The following MINDY4 variants were observed in gnomAD, a reference collection of about 807,000 sequenced individuals.
MINDY4 encodes the protein MINDY lysine 48 deubiquitinase 4.
Under a neutral mutation model 87.0 loss-of-function variants are expected in MINDY4, and 68 were observed. The ratio of observed to expected loss-of-function variants is 0.78; its 90% CI spans 0.64 to 0.96. The LOEUF (loss-of-function observed/expected upper bound fraction) is 0.96, where lower values mean the gene tolerates loss of function less well. MINDY4 is among the 40% of genes least tolerant of loss of function. The pLI, the probability that MINDY4 is intolerant of heterozygous loss-of-function variation, is 0.00. For missense variants in MINDY4, 919 were observed against 928.2 expected (o/e 0.99, Z 0.13); for synonymous variants, 379 against 363.2 (o/e 1.04, Z -0.50).
intron 10 of MINDY4, among the ~76,000 whole-genome samples, chr7:30,851,770 G>A (rs370832773): frequency 6.6e-6 from 1 of 152,228 alleles, no homozygotes; most frequent in East Asian, 1.9e-4. Context: ...ACCCGGCTCC[G>A]ATTCCTGGAC....
chr7:30,778,762 T>TTG (rs377681057), intron 2 of MINDY4, among the ~76,000 whole-genome samples: 2 of 152,132 alleles, frequency 1.3e-5, no homozygotes, highest in Admixed American at 6.5e-5. Flanking sequence ...CATTGGCGTG[T>TTG]TGTGTGTGTG....
intron 6 of MINDY4, among the ~76,000 whole-genome samples, chr7:30,832,524 A>C (rs992250005): frequency 1.3e-5 from 2 of 151,416 alleles, no homozygotes; most frequent in Non-Finnish European, 2.9e-5. Context: ...TTTTTTTGAG[A>C]TGGAGTCTTG....
intron 1 of MINDY4, among the ~76,000 whole-genome samples, chr7:30,776,571 A>T (rs1264890502): frequency 2.0e-5 from 3 of 152,086 alleles, no homozygotes; most frequent in Admixed American, 2.0e-4. Context: ...TGGGACTTTC[A>T]TCTGTTCACT....
chr7:30,876,581 G>C (rs1790265185), intron 15 of MINDY4, among the ~76,000 whole-genome samples: 2 of 152,174 alleles, frequency 1.3e-5, no homozygotes, highest in South Asian at 4.1e-4. Flanking sequence ...TGTACCTCTG[G>C]AGAATGTGGC....
At chr7:30,790,258 C>T (rs1787280856) in intron 4 of MINDY4, among the ~76,000 whole-genome samples, 1 of 151,982 alleles carries the variant, frequency 6.6e-6, no homozygotes, top group South Asian at 2.1e-4. Flanking sequence ...AAAGGAAGTA[C>T]AGTGCATGAG....
intron 9 of MINDY4, among the ~76,000 whole-genome samples, chr7:30,850,149 A>T (rs1321263134): frequency 6.6e-6 from 1 of 152,002 alleles, no homozygotes; most frequent in Non-Finnish European, 1.5e-5. Flanking sequence ...TTTCTCTCAC[A>T]CACTTCTGGG....
At chr7:30,775,414 C>T (rs10243589) in intron 1 of MINDY4, among the ~76,000 whole-genome samples, 34,472 of 152,118 alleles carry the variant, frequency 0.23, 4,143 homozygotes, top group South Asian at 0.35. Context: ...GGAAGAGATG[C>T]ATAGGGCAAG....
chr7:30,783,495 G>C (rs6966965), intron 3 of MINDY4, among the ~76,000 whole-genome samples: 1 of 152,146 alleles, frequency 6.6e-6, no homozygotes, highest in Non-Finnish European at 1.5e-5. Context: ...CTAAGCATGA[G>C]GGAGTTATTT....
chr7:30,891,875 G>A lies in MINDY4; in HGVS notation c.2226-82G>A. 7 of 1,408,070 alleles carry A rather than the reference G, an allele frequency of 5.0e-6. 1 individual carries two copies. The South Asian group carries it at 8.1e-5, about 16-fold the overall frequency. 87.2% of individuals were successfully genotyped at this position (1,408,070 alleles called of 1,614,324 possible). On this transcript the variant is annotated intron_variant, in intron 17 of 17. Transcript: ENST00000265299. ...CAAAGCCTCCAAGACAAAACCTTCA[G>A]GAAGTGGAGGCAAGAGATGGGCTCT...
intron 5 of MINDY4, among the ~76,000 whole-genome samples, chr7:30,817,662 C>A (rs758264483): frequency 6.6e-6 from 1 of 152,028 alleles, no homozygotes; most frequent in Non-Finnish European, 1.5e-5. Flanking sequence ...CCCGGGTTCC[C>A]GAAGTTTTGT....
At chr7:30,793,279 A>T (rs1787379873) in intron 5 of MINDY4, among the ~76,000 whole-genome samples, 2 of 151,612 alleles carry the variant, frequency 1.3e-5, no homozygotes, top group African/African-American at 4.8e-5. Context: ...CTTTAAATCC[A>T]GTCGATAATT....
In MINDY4 at chr7:30,850,533, C is replaced by A. The variant is rs769086036; in HGVS notation, c.1525C>A (p.Arg509=). The A allele has an allele frequency of 5.0e-6, 8 of 1,606,598 alleles. No individual in the cohort carries two copies. Among genetic ancestry groups the A allele is most frequent in the African/African-American group, 1.3e-5 (1 of 74,828 alleles). The change falls in exon 10 of 18, where the codon CGA becomes AGA. Residue 509 remains arginine (R), a synonymous_variant. Transcript: ENST00000265299. ...LADIVWRAGG[R]ERAVVALASR... ...AGACATTGTGTGGCGGGCAGGGGGCCGAGAGAGAGCCGTTGTTGCACTGTA... is the reference window on the plus strand; with the variant it reads ...AGACATTGTGTGGCGGGCAGGGGGCAGAGAGAGAGCCGTTGTTGCACTGTA...
At chr7:30,839,031 A>T (rs1788953804) in intron 7 of MINDY4, among the ~76,000 whole-genome samples, 169 bp from the exon 8 acceptor site, 1 of 152,208 alleles carries the variant, frequency 6.6e-6, no homozygotes, top group Non-Finnish European at 1.5e-5. Flanking sequence ...TCTTTCATCA[A>T]ATATAAGAAG....
chr7:30,790,671 C>T (rs1787294545), intron 4 of MINDY4, among the ~76,000 whole-genome samples: 1 of 152,150 alleles, frequency 6.6e-6, no homozygotes, highest in African/African-American at 2.4e-5. Context: ...TCTCGAATTC[C>T]TGACCTAAAG....
chr7:30,877,148 G>C (rs1233883525), intron 15 of MINDY4, among the ~76,000 whole-genome samples: 1 of 152,140 alleles, frequency 6.6e-6, no homozygotes, highest in African/African-American at 2.4e-5. Context: ...AATGTGGCTG[G>C]TGAGAAGCAC....
chr7:30,788,925 C>G (rs1787237828), intron 4 of MINDY4, among the ~76,000 whole-genome samples: 2 of 152,274 alleles, frequency 1.3e-5, no homozygotes, highest in South Asian at 2.1e-4. Flanking sequence ...GAAGTCAGCA[C>G]TTTATTCACC....
chr7:30,856,308 G>A (rs974023641), intron 12 of MINDY4, among the ~76,000 whole-genome samples: 1 of 152,120 alleles, frequency 6.6e-6, no homozygotes, highest in African/African-American at 2.4e-5. Context: ...TGAATTTGAT[G>A]AGATAATTGT....
chr7:30,782,166 G>A lies in MINDY4; in HGVS notation c.373G>A (p.Glu125Lys). Residue 125 changes from glutamate (E) to lysine (K), a missense_variant, in exon 3 of 18, where the codon GAA becomes AAA. Transcript: ENST00000265299. ...GGTAAATATATATGACCTTTCAGATGAAGATGCAGGATGGAGAACATCATT... is the reference window on the plus strand; with the variant it reads ...GGTAAATATATATGACCTTTCAGATAAAGATGCAGGATGGAGAACATCATT... ...TLVNIYDLSD[E>K]DAGWRTSLSE... The A allele has an allele frequency of 6.2e-7, 1 of 1,614,022 alleles. No individual in the cohort carries two copies. Among genetic ancestry groups the A allele is most frequent in the Non-Finnish European group, 8.5e-7 (1 of 1,179,996 alleles).
At chr7:30,772,381 G>A (rs1183720703) in intron 1 of MINDY4, among the ~76,000 whole-genome samples, 2 of 152,136 alleles carry the variant, frequency 1.3e-5, no homozygotes, top group Non-Finnish European at 2.9e-5. Context: ...GAAGTCAGAC[G>A]GAGACAATTC....
Sources: allele counts gnomAD v4.1 joint callset (sites outside exome capture counted in the v4.1 genomes callset), GRCh38; gene constraint gnomAD v4.1.1; transcripts MANE v1.5; gene names NCBI Gene and HGNC (gene_info 2026-07-23, HGNC 2026-07-21).